Variants in STRN observed in about 807,000 individuals in gnomAD.
The protein encoded by STRN is striatin.
STRN carries 53 observed loss-of-function variants against 96.3 expected under a neutral mutation model. The ratio of observed to expected loss-of-function variants is 0.55; its 90% CI spans 0.44 to 0.69. The LOEUF (loss-of-function observed/expected upper bound fraction) is 0.69, where lower values mean the gene tolerates loss of function less well. Ranked by LOEUF, STRN falls within the 30% of genes least tolerant of loss-of-function variation. The probability of loss-of-function intolerance (pLI) is 0.00; values close to 1 mark genes in which losing one functional copy is unlikely to be tolerated. For synonymous variants in STRN, 428 were observed against 355.9 expected, an observed-to-expected ratio of 1.20 and a Z score of -2.28; for missense variants, 987 against 963.9, an observed-to-expected ratio of 1.02 and a Z score of -0.32.
At chr2:36,955,072 T>C (rs1165527398) in intron 1 of STRN, among the ~76,000 whole-genome samples, 2 of 152,198 alleles carry the variant, frequency 1.3e-5, no homozygotes, top group Non-Finnish European at 2.9e-5. Context: ...GAATTTAAAT[T>C]ATGACAGCTA....
intron 15 of STRN, among the ~76,000 whole-genome samples, chr2:36,853,963 T>G (rs1457712766): frequency 1.3e-5 from 2 of 152,232 alleles, no homozygotes; most frequent in Non-Finnish European, 1.5e-5. Context: ...TTGGAAGTTT[T>G]CTCAAAATGT....
chr2:36,942,902 G>C (rs536351841), intron 1 of STRN, among the ~76,000 whole-genome samples: 96 of 152,132 alleles, frequency 6.3e-4, no homozygotes, highest in Non-Finnish European at 1.0e-3. Flanking sequence ...CACCATGTTG[G>C]CCAGGCTGGT....
At chr2:36,948,543 T>C (rs1218521178) in intron 1 of STRN, among the ~76,000 whole-genome samples, 1 of 152,146 alleles carries the variant, frequency 6.6e-6, no homozygotes, top group South Asian at 2.1e-4. Flanking sequence ...ACATATACCG[T>C]GATAGGTGTT....
intron 2 of STRN, among the ~76,000 whole-genome samples, chr2:36,920,832 T>C (rs7605601): frequency 8.6e-5 from 13 of 151,698 alleles, no homozygotes; most frequent in African/African-American, 2.9e-4. Flanking sequence ...ATCCCAACAC[T>C]TTCGGAGGCC....
intron 3 of STRN, among the ~76,000 whole-genome samples, chr2:36,910,383 G>GA (rs895196510): frequency 1.3e-5 from 2 of 151,884 alleles, no homozygotes; most frequent in African/African-American, 4.8e-5. Flanking sequence ...AAGACTGCTG[G>GA]AAAAAAATAA....
At chr2:36,950,213 G>GTTTTTTTTTT (rs745506504) in intron 1 of STRN, among the ~76,000 whole-genome samples, 3 of 109,042 alleles carry the variant, frequency 2.8e-5, no homozygotes, top group Non-Finnish European at 3.6e-5. Context: ...GTTTGGTTTT[G>GTTTTTTTTTT]TTTTTTTTTT....
At chr2:36,922,518 CAAAAAA>C (rs749446955) in intron 2 of STRN, among the ~76,000 whole-genome samples, 2 of 91,160 alleles carry the variant, frequency 2.2e-5, no homozygotes, top group African/African-American at 4.2e-5. Context: ...GACCCTGTCT[CAAAAAA>C]AAAAAAAAAA....
At chr2:36,948,163 G>A (rs562553118) in intron 1 of STRN, among the ~76,000 whole-genome samples, 27 of 122,498 alleles carry the variant, frequency 2.2e-4, no homozygotes, top group Non-Finnish European at 3.7e-4. Flanking sequence ...GTAAAGTGAT[G>A]TGATCTGGGC....
intron 7 of STRN, among the ~76,000 whole-genome samples, chr2:36,889,579 C>T (rs2148182593): frequency 8.3e-6 from 1 of 120,350 alleles, no homozygotes; most frequent in Admixed American, 1.2e-4. Context: ...TTGCCAGAAT[C>T]TAACCAGATT....
chr2:36,853,893 T>C (rs1027030310), intron 15 of STRN, among the ~76,000 whole-genome samples: 2 of 152,216 alleles, frequency 1.3e-5, no homozygotes, highest in African/African-American at 4.8e-5. Flanking sequence ...TGTCAGGACA[T>C]ATTACAACTC....
rs1161538911 is a variant in STRN, at chr2:36,899,542, C to A, written c.776G>T (p.Ser259Ile). Residue 259 changes from serine (S) to isoleucine (I), a missense_variant, in exon 6 of 18, where the codon AGC becomes ATC. Ser to Ile is a moderately radical substitution (Grantham distance 142). Transcript: ENST00000263918. ...ACTCACTGTTGAAGTATCAATGACG[C>A]TTTTCTCTCTTCCATCAACATCATC... ...EDDDVDGREKSVIDTSTIVRK... is the reference protein window; with the variant it reads ...EDDDVDGREKIVIDTSTIVRK... 1 of 1,611,888 alleles carries A rather than the reference C, an allele frequency of 6.2e-7. No homozygotes were observed. Among genetic ancestry groups the A allele is most frequent in the African/African-American group, 1.3e-5 (1 of 74,716 alleles).
intron 8 of STRN, among the ~76,000 whole-genome samples, chr2:36,886,235 G>C (rs186852891): frequency 4.1e-4 from 62 of 152,248 alleles, no homozygotes; most frequent in African/African-American, 1.4e-3. Context: ...ATAGCATATA[G>C]TGGTATGAGC....
In STRN at chr2:36,840,432, G is replaced by C. The variant is rs1049956230; in HGVS notation, c.*9024C>G. 3 of 152,062 alleles carry C rather than the reference G, an allele frequency of 2.0e-5. No individual in the cohort carries two copies. The highest frequency in any genetic ancestry group is 4.4e-5 in the Non-Finnish European group (3 of 68,026). The allele number at this position is 152,062 out of a possible 1,614,324, so 9.4% of individuals were successfully genotyped here. On this transcript the variant is annotated 3_prime_UTR_variant, in exon 18 of 18. Transcript: ENST00000263918. ...GACGTTGCTACTCAGGCATTTTGTT[G>C]CTACCTGTGAGGTAAAGTCCAAATT...
chr2:36,953,550 C>T (rs1664809640), intron 1 of STRN, among the ~76,000 whole-genome samples: 1 of 151,910 alleles, frequency 6.6e-6, no homozygotes. Flanking sequence ...CTACAGGCAC[C>T]CGCCACCACA....
intron 6 of STRN, among the ~76,000 whole-genome samples, chr2:36,897,802 C>A (rs1302899179): frequency 6.6e-6 from 1 of 152,034 alleles, no homozygotes; most frequent in African/African-American, 2.4e-5. Flanking sequence ...AATTCCTGGG[C>A]TCAAGCGATC....
At chr2:36,963,499 A>T (rs1234819602) in intron 1 of STRN, among the ~76,000 whole-genome samples, 2 of 152,100 alleles carry the variant, frequency 1.3e-5, no homozygotes, top group Non-Finnish European at 2.9e-5. Flanking sequence ...GATGGTAATA[A>T]TTTTTTTTCC....
intron 1 of STRN, among the ~76,000 whole-genome samples, chr2:36,961,547 C>T (rs1338847351): frequency 1.3e-5 from 2 of 152,112 alleles, no homozygotes; most frequent in South Asian, 2.1e-4. Context: ...ATTTTGAATA[C>T]GTATCAAATA....
intron 1 of STRN, among the ~76,000 whole-genome samples, chr2:36,937,142 G>T (rs111796718): frequency 6.6e-6 from 1 of 151,868 alleles, no homozygotes; most frequent in Non-Finnish European, 1.5e-5. Context: ...TCGGGAGTTC[G>T]AGATAAGCCT....
At position 36,838,737 on chromosome 2, in the gene STRN, G is replaced by A. The variant is rs1187540817; in HGVS notation, c.*10719C>T. Among the ~76,000 whole-genome samples, 2 of 152,050 alleles carry A rather than the reference G, an allele frequency of 1.3e-5. No homozygotes were observed. The highest frequency in any genetic ancestry group is 1.9e-4 in the East Asian group (1 of 5,194). ...ACTCCAGGGAATCTATTCCGCAGAC[G>A]TAAAACCATCATGGTGACAAACATA... is the stretch of plus-strand genomic sequence containing the variant. On this transcript the variant is annotated 3_prime_UTR_variant, in exon 18 of 18. Transcript: ENST00000263918.
Sources: gnomAD v4.1 joint callset for allele counts (sites outside exome capture counted in the v4.1 genomes callset) on GRCh38, gnomAD v4.1.1 for gene constraint, MANE v1.5 for transcripts, NCBI Gene and HGNC (gene_info 2026-07-23, HGNC 2026-07-21) for gene names.